Variants in ESR1 observed in about 807,000 individuals in gnomAD.
ESR1 encodes the protein estrogen receptor 1.
A neutral mutation model predicts 52.7 loss-of-function variants in ESR1; 12 were observed. That is an observed-to-expected ratio of 0.23 (90% confidence interval 0.15 to 0.37). The LOEUF (loss-of-function observed/expected upper bound fraction) is 0.37. Among genes scored for constraint, ESR1 ranks in the 10% least tolerant of loss-of-function variants. ESR1 has a pLI of 1.00. For missense variants in ESR1, 584 were observed against 779.7 expected, an observed-to-expected ratio of 0.75 and a Z score of 2.99; for synonymous variants, 305 against 316.8, an observed-to-expected ratio of 0.96 and a Z score of 0.39.
intron 3 of ESR1, among the ~76,000 whole-genome samples, chr6:151,900,922 C>T (rs957357860): frequency 2.0e-5 from 3 of 152,214 alleles, no homozygotes; most frequent in African/African-American, 7.2e-5. Flanking sequence ...TGGTTGGCCT[C>T]CTGCCAGGAG....
chr6:151,851,349 A>T (rs751568118), intron 2 of ESR1, among the ~76,000 whole-genome samples: 1 of 152,126 alleles, frequency 6.6e-6, no homozygotes, highest in Non-Finnish European at 1.5e-5. Context: ...TGTATTGCAT[A>T]TATTTGATTG....
chr6:152,085,480 G>A (rs1182777827), intron 6 of ESR1, among the ~76,000 whole-genome samples: 1 of 152,104 alleles, frequency 6.6e-6, no homozygotes, highest in South Asian at 2.1e-4. Context: ...TGTTCACAAT[G>A]TCTAAAGTCT....
intron 2 of ESR1, among the ~76,000 whole-genome samples, chr6:151,778,436 T>C (rs909391590): frequency 6.6e-6 from 1 of 151,782 alleles, no homozygotes; most frequent in Admixed American, 6.6e-5. Flanking sequence ...GACAGTGTCT[T>C]GCTCTGTCAT....
upstream of ESR1, among the ~76,000 whole-genome samples, chr6:151,800,982 T>A (rs542424886): frequency 3.3e-5 from 5 of 152,118 alleles, no homozygotes; most frequent in South Asian, 6.2e-4. Context: ...ATCTCCTCTG[T>A]CTTTTTTTAA....
At chr6:151,917,768 G>C (rs1036353942) in intron 3 of ESR1, among the ~76,000 whole-genome samples, 8 of 152,242 alleles carry the variant, frequency 5.3e-5, no homozygotes, top group African/African-American at 1.9e-4. Context: ...GGTTGCTTCG[G>C]CTAAACAGTG....
Position 152,022,032 on chromosome 6 carries a change from G to T in ESR1, c.1235+10238G>T, listed in dbSNP as rs143835943. ...ATGTCTTTATCAGCAGCATGAAAAC[G>T]GACTAATACACTGCATGCTCAGTAT... On this transcript the variant is annotated intron_variant, in intron 5 of 7. Coordinates refer to ENST00000206249, the MANE Select transcript of ESR1 (RefSeq NM_000125.4). Among the ~76,000 whole-genome samples, 32 of 152,194 alleles carry T rather than the reference G, an allele frequency of 2.1e-4. No individual in the cohort carries two copies. The East Asian group carries it at 5.4e-3, about 26-fold the overall frequency.
chr6:151,713,480 G>C (rs1582985724), intron 2 of ESR1, among the ~76,000 whole-genome samples: 1 of 152,010 alleles, frequency 6.6e-6, no homozygotes, highest in African/African-American at 2.4e-5. Context: ...GGCTTTTTTT[G>C]GTTGGTAGGC....
In ESR1 at chr6:152,094,314, T is replaced by C. The variant is rs1159596818; in HGVS notation, c.1370-71T>C. On this transcript the variant is annotated intron_variant, in intron 6 of 7. Transcript: ENST00000206249. This position sits in a 1 kb window ranked among gnomAD's most constrained non-coding sequence, Gnocchi z 4.6. ...GGCACTGGCTCATTGTTACATCCCATGAACACTCTGGGTCTCCTAGACCTC... is the reference window on the plus strand; with the variant it reads ...GGCACTGGCTCATTGTTACATCCCACGAACACTCTGGGTCTCCTAGACCTC... The C allele has an allele frequency of 1.5e-6, 2 of 1,354,672 alleles. No homozygotes were observed. The highest frequency in any genetic ancestry group is 2.1e-6 in the Non-Finnish European group (2 of 944,204). The allele number at this position is 1,354,672 out of a possible 1,614,324, so 83.9% of individuals were successfully genotyped here.
rs562730883 is a variant in ESR1, at chr6:151,718,639, C to T, written c.-71+16634C>T. 2.0e-5 allele frequency among the ~76,000 whole-genome samples: 3 copies of T among 152,248 alleles called. No individual in the cohort carries two copies. In the East Asian group the frequency reaches 5.8e-4, roughly 29 times the overall value. Reference sequence around the variant, plus strand: ...TGACTGAAAAATAGGTTATGGTGCCCCAGCAAATCCTTGTTGTTTGCTGAC... The same window carrying T: ...TGACTGAAAAATAGGTTATGGTGCCTCAGCAAATCCTTGTTGTTTGCTGAC... On this transcript the variant is annotated intron_variant, in intron 2 of 2. Coordinates refer to the ESR1 transcript ENST00000404742.
At chr6:151,670,928 C>T (rs964190076) in intron 1 of ESR1, among the ~76,000 whole-genome samples, 4 of 151,980 alleles carry the variant, frequency 2.6e-5, no homozygotes, top group Non-Finnish European at 1.5e-5. Flanking sequence ...AACACCATAC[C>T]TGGATAATTT....
At chr6:151,933,716 G>A (rs559578960) in intron 3 of ESR1, among the ~76,000 whole-genome samples, 2 of 152,220 alleles carry the variant, frequency 1.3e-5, no homozygotes, top group South Asian at 4.2e-4. Context: ...AGATAATCAT[G>A]TGGTTTTTGT....
At chr6:152,045,960 C>T (rs1036070157) in intron 5 of ESR1, among the ~76,000 whole-genome samples, 5 of 152,154 alleles carry the variant, frequency 3.3e-5, no homozygotes, top group African/African-American at 1.2e-4. Flanking sequence ...GTCACTGAAT[C>T]ATTATTTTAG....
At chr6:151,821,573 C>T (rs1480825508) in intron 1 of ESR1, among the ~76,000 whole-genome samples, 1 of 152,138 alleles carries the variant, frequency 6.6e-6, no homozygotes, top group Admixed American at 6.5e-5. Flanking sequence ...TGCCAGACTT[C>T]CCTGGAGACT....
exon 1 of ESR1, chr6:151,690,521 C>T (rs1025470502): frequency 2.6e-5 from 4 of 152,082 alleles, no homozygotes; most frequent in South Asian, 2.1e-4. Context: ...TCCTGTCTAC[C>T]GACTCAGAAC....
At chr6:151,705,472 A>T (rs994924538) in intron 2 of ESR1, among the ~76,000 whole-genome samples, 4 of 152,232 alleles carry the variant, frequency 2.6e-5, no homozygotes, top group Non-Finnish European at 1.5e-5. Flanking sequence ...AAAGAAGATG[A>T]CTCAGATGTA....
At chr6:151,948,889 TC>T (rs2036011384) in intron 4 of ESR1, among the ~76,000 whole-genome samples, 1 of 152,164 alleles carries the variant, frequency 6.6e-6, no homozygotes. Flanking sequence ...CTGCCTCTCA[TC>T]CTCATCCTCA....
chr6:151,831,818 G>T (rs1312965660), intron 1 of ESR1, among the ~76,000 whole-genome samples: 5 of 152,156 alleles, frequency 3.3e-5, no homozygotes, highest in Non-Finnish European at 5.9e-5. Flanking sequence ...GTGAAAATCT[G>T]CTCACCTGCT....
chr6:151,815,917 G>A lies in ESR1; in HGVS notation c.452+7553G>A, dbSNP rs117783042. ...TTTTTGCATTTTCATAATCCCTGTTGATGATTTTGCTGTTTAAAATGGCCC... is the reference window on the plus strand; with the variant it reads ...TTTTTGCATTTTCATAATCCCTGTTAATGATTTTGCTGTTTAAAATGGCCC... On this transcript the variant is annotated intron_variant, in intron 1 of 7. Transcript: ENST00000206249. Among the ~76,000 whole-genome samples, 975 of 152,232 alleles carry A rather than the reference G, an allele frequency of 6.4e-3. 5 individuals carry two copies. The highest frequency in any genetic ancestry group is 9.3e-3 in the Non-Finnish European group (635 of 68,010).
chr6:151,710,000 A>T (rs566355562), intron 2 of ESR1, among the ~76,000 whole-genome samples: 2 of 151,716 alleles, frequency 1.3e-5, no homozygotes, highest in Admixed American at 1.3e-4. Context: ...GAATTTTTTT[A>T]TATAAAAGTG....
Sources: gnomAD v4.1 joint callset for allele counts (sites outside exome capture counted in the v4.1 genomes callset) on GRCh38, gnomAD v4.1.1 for gene constraint, Gnocchi (gnomAD v3.1) non-coding constraint, MANE v1.5 for transcripts, NCBI Gene and HGNC (gene_info 2026-07-23, HGNC 2026-07-21) for gene names.